GLMN: variants seen among roughly 807,000 people sequenced by gnomAD.
GLMN encodes glomulin.
Under a neutral mutation model 87.8 loss-of-function variants are expected in GLMN, and 75 were observed. The ratio of observed to expected loss-of-function variants is 0.85; its 90% CI spans 0.71 to 1.04. GLMN has a LOEUF of 1.04. Ranked by LOEUF, GLMN falls within the 50% of genes least tolerant of loss-of-function variation. GLMN has a pLI of 0.00. For missense variants in GLMN, 588 were observed against 658.8 expected, an observed-to-expected ratio of 0.89 and a Z score of 1.18; for synonymous variants, 206 against 221.6, an observed-to-expected ratio of 0.93 and a Z score of 0.63.
intron 16 of GLMN, among the ~76,000 whole-genome samples, chr1:92,261,990 C>T (rs1403430921): frequency 6.6e-6 from 1 of 152,036 alleles, no homozygotes; most frequent in African/African-American, 2.4e-5. Flanking sequence ...GCACCTGATA[C>T]AGAGTAAGCA....
intron 16 of GLMN, among the ~76,000 whole-genome samples, chr1:92,255,266 C>T (rs560150293): frequency 2.6e-5 from 4 of 152,290 alleles, no homozygotes; most frequent in African/African-American, 9.6e-5. Flanking sequence ...AAAGCAAGCT[C>T]TTAGAGACCT....
At chr1:92,286,699 T>C (rs1648795290) in intron 6 of GLMN, 107 bp from the exon 7 acceptor site, 1 of 710,064 alleles carries the variant, frequency 1.4e-6, no homozygotes, top group East Asian at 2.6e-5. Context: ...TAAGCACTGC[T>C]ATGGTTTGAA....
chr1:92,307,163 A>G, the GLMN span: 5 of 1,520,380 alleles, frequency 3.3e-6, no homozygotes, highest in Non-Finnish European at 4.5e-6. Flanking sequence ...TAAGAAAAAA[A>G]CTAGATTTAT....
upstream of GLMN, chr1:92,301,362 A>T: frequency 5.0e-6 from 2 of 396,176 alleles, no homozygotes; most frequent in Non-Finnish European, 4.4e-6. Context: ...AAATTTTTTA[A>T]ATATATTTAA....
intron 7 of GLMN, among the ~76,000 whole-genome samples, chr1:92,277,642 T>C (rs1647442675): frequency 6.6e-6 from 1 of 152,198 alleles, no homozygotes; most frequent in Admixed American, 6.5e-5. Context: ...TCCTACATAA[T>C]GAAGCCTCCA....
At chr1:92,262,738 T>C (rs1242051207) in intron 16 of GLMN, 125 bp downstream of exon 16, 1 of 571,830 alleles carries the variant, frequency 1.7e-6, no homozygotes. Flanking sequence ...GAATAATTGT[T>C]GGCACTCTTC....
rs942639881 is a variant in GLMN at position 92,264,313 on chromosome 1, C to CAA, written c.1299+239_1299+240dup. The stretch of plus-strand genomic sequence containing the variant: ...GGGTGACAGGCGTGAAACCCTGTCT[C>CAA]AAAAAAAACAAAAACAAAAACCAAA... On this transcript the variant is annotated intron_variant, in intron 14 of 18. Coordinates refer to ENST00000370360, the MANE Select transcript of GLMN (RefSeq NM_053274.3). 1.5e-4 allele frequency among the ~76,000 whole-genome samples: 23 copies of CAA among 150,260 alleles called. No homozygotes were observed. The East Asian group carries it at 4.3e-3, about 28-fold the overall frequency.
chr1:92,291,616 C>T (rs990829151), intron 3 of GLMN, 79 bp from the exon 4 acceptor site: 7 of 1,382,898 alleles, frequency 5.1e-6, no homozygotes, highest in Admixed American at 1.7e-5. Context: ...CTTGGAAGAG[C>T]TCAGAATTGT....
chr1:92,314,710 T>G, the GLMN span, among the ~76,000 whole-genome samples: 2 of 150,496 alleles, frequency 1.3e-5, no homozygotes, highest in Non-Finnish European at 2.9e-5. Context: ...GCCACTGCAC[T>G]ACAGCCTGGG....
the GLMN span, among the ~76,000 whole-genome samples, chr1:92,368,776 A>G: frequency 6.6e-6 from 1 of 152,230 alleles, no homozygotes; most frequent in East Asian, 1.9e-4. Context: ...CCTGATTTAC[A>G]TTCTTTCCTT....
the GLMN span, among the ~76,000 whole-genome samples, chr1:92,353,998 C>G: frequency 6.6e-6 from 1 of 152,102 alleles, no homozygotes; most frequent in Non-Finnish European, 1.5e-5. Flanking sequence ...GTGTCTCCAA[C>G]TTCAGGCCAT....
intron 3 of GLMN, among the ~76,000 whole-genome samples, chr1:92,292,765 T>C (rs1446390499): frequency 3.1e-4 from 45 of 145,008 alleles, no homozygotes; most frequent in African/African-American, 9.3e-4. Flanking sequence ...TGGTGGCTCA[T>C]GCCTGTAATC....
At chr1:92,291,586 C>T in intron 3 of GLMN, 49 bp from the exon 4 acceptor site, 1 of 1,591,114 alleles carries the variant, frequency 6.3e-7, no homozygotes, top group Non-Finnish European at 8.6e-7. Context: ...CTATAGGACT[C>T]TCGCAGTGTG....
At chr1:92,304,147 TAAG>T in the GLMN span, 2 of 1,307,130 alleles carry the variant, frequency 1.5e-6, no homozygotes, top group Non-Finnish European at 2.2e-6. Context: ...GTTGTAAGAA[TAAG>T]AAATAAAACC....
At chr1:92,315,331 C>A in the GLMN span, among the ~76,000 whole-genome samples, 1 of 151,986 alleles carries the variant, frequency 6.6e-6, no homozygotes, top group Non-Finnish European at 1.5e-5. Context: ...TTCATGGTAC[C>A]CCAAAGCAAT....
At chr1:92,345,400 A>AGAG in the GLMN span, among the ~76,000 whole-genome samples, 4 of 138,276 alleles carry the variant, frequency 2.9e-5, no homozygotes, top group African/African-American at 1.1e-4. Context: ...AAAAAAAAAA[A>AGAG]AGAGAGAGAG....
intron 16 of GLMN, among the ~76,000 whole-genome samples, chr1:92,254,273 A>G (rs1327740069): frequency 6.6e-6 from 1 of 152,220 alleles, no homozygotes; most frequent in African/African-American, 2.4e-5. Flanking sequence ...ACTATGTGAA[A>G]AGACCAAACC....
Position 92,246,685 on chromosome 1 carries a change from T to C in GLMN, c.1669-39A>G, listed in dbSNP as rs1200326927. ...AAAAAGTAATGTTATTAATGCTGCC[T>C]TTAAAGCAAAACAAAGCAAAACACA... On this transcript the variant is annotated intron_variant, in intron 18 of 18. Coordinates refer to ENST00000370360, the MANE Select transcript of GLMN (RefSeq NM_053274.3). 3 of 1,048,824 alleles carry C rather than the reference T, an allele frequency of 2.9e-6. No homozygotes were observed. In the South Asian group the frequency reaches 3.8e-5, roughly 13 times the overall value. The allele number at this position is 1,048,824 out of a possible 1,614,324, so 65.0% of individuals were successfully genotyped here.
intron 5 of GLMN, among the ~76,000 whole-genome samples, chr1:92,289,836 A>G (rs1173113382): frequency 6.6e-6 from 1 of 152,214 alleles, no homozygotes; most frequent in Non-Finnish European, 1.5e-5. Flanking sequence ...CCAGACTACC[A>G]TAATGCTATC....
Sources: allele counts gnomAD v4.1 joint callset (sites outside exome capture counted in the v4.1 genomes callset), GRCh38; gene constraint gnomAD v4.1.1; transcripts MANE v1.5; gene names NCBI Gene and HGNC (gene_info 2026-07-23, HGNC 2026-07-21).